The following RIMS2 variants were observed in gnomAD, a reference collection of about 807,000 sequenced individuals.
The protein encoded by RIMS2 is regulating synaptic membrane exocytosis protein 2.
In RIMS2, 59 loss-of-function variants were observed where a neutral mutation model predicts 174.4. The ratio of observed to expected loss-of-function variants is 0.34; its 90% CI spans 0.27 to 0.42. The LOEUF is 0.42. Ranked by LOEUF, RIMS2 falls within the 10% of genes least tolerant of loss-of-function variation. The pLI is 1.00. For synonymous variants in RIMS2, 606 were observed against 572.5 expected (o/e 1.06, Z -0.84); for missense variants, 1,620 against 1,666.3 (o/e 0.97, Z 0.48).
chr8:104,061,176 A>C (rs2154560376), intron 19 of RIMS2, among the ~76,000 whole-genome samples: 1 of 152,290 alleles, frequency 6.6e-6, no homozygotes, highest in South Asian at 2.1e-4. Flanking sequence ...AGGGTGTTTA[A>C]AGTCTGCCGT....
chr8:104,224,774 C>T (rs1025866166), intron 19 of RIMS2, among the ~76,000 whole-genome samples: 4 of 151,924 alleles, frequency 2.6e-5, no homozygotes, highest in South Asian at 2.1e-4. Context: ...TATTTTTTTT[C>T]TGCTTTTTTT....
intron 1 of RIMS2, among the ~76,000 whole-genome samples, chr8:103,550,992 G>T (rs1403555845): frequency 6.6e-6 from 1 of 152,138 alleles, no homozygotes. Context: ...GGACCAGATG[G>T]ATTCACAGCC....
chr8:103,519,412 T>G (rs1037793405), intron 1 of RIMS2, among the ~76,000 whole-genome samples: 35 of 152,108 alleles, frequency 2.3e-4, no homozygotes, highest in African/African-American at 8.2e-4. Context: ...ATGCCATAGC[T>G]CAAACTGTCT....
At chr8:103,815,416 G>A (rs2098712598) in intron 3 of RIMS2, among the ~76,000 whole-genome samples, 1 of 152,034 alleles carries the variant, frequency 6.6e-6, no homozygotes, top group African/African-American at 2.4e-5. Flanking sequence ...AATTGCCTTT[G>A]CTTCCAAAAG....
chr8:103,954,020 A>C (rs2086303031), intron 14 of RIMS2, among the ~76,000 whole-genome samples: 1 of 152,216 alleles, frequency 6.6e-6, no homozygotes, highest in Non-Finnish European at 1.5e-5. Context: ...CCATTACATA[A>C]TGGTAAAGGG....
At chr8:104,227,409 G>C (rs1384070905) in intron 19 of RIMS2, among the ~76,000 whole-genome samples, 1 of 151,874 alleles carries the variant, frequency 6.6e-6, no homozygotes, top group East Asian at 1.9e-4. Context: ...AACTACTTGG[G>C]CTCGACACTG....
At chr8:103,937,033 G>C (rs568257112) in intron 13 of RIMS2, among the ~76,000 whole-genome samples, 1 of 152,166 alleles carries the variant, frequency 6.6e-6, no homozygotes, top group Admixed American at 6.5e-5. Flanking sequence ...GGGAGGCAGA[G>C]GTTGCAGTGA....
intron 19 of RIMS2, among the ~76,000 whole-genome samples, chr8:104,128,428 G>A (rs1171252719): frequency 3.3e-5 from 5 of 152,216 alleles, no homozygotes; most frequent in Admixed American, 3.3e-4. Context: ...CAGTCCCAGT[G>A]GTTCACGCCT....
intron 16 of RIMS2, among the ~76,000 whole-genome samples, chr8:103,982,225 A>G (rs55918633): frequency 0.13 from 19,307 of 152,162 alleles, 1,702 homozygotes; most frequent in Non-Finnish European, 0.19. Flanking sequence ...ACAGATCAAT[A>G]ACAAATAACA....
intron 3 of RIMS2, among the ~76,000 whole-genome samples, chr8:103,788,711 C>G (rs1174158181): frequency 1.3e-5 from 2 of 152,000 alleles, no homozygotes; most frequent in African/African-American, 4.8e-5. Context: ...GCAGAGGTTA[C>G]TGCTGTCTTT....
chr8:104,066,089 A>G (rs1012835228), intron 19 of RIMS2, among the ~76,000 whole-genome samples: 2 of 152,162 alleles, frequency 1.3e-5, no homozygotes, highest in Non-Finnish European at 2.9e-5. Flanking sequence ...ACAAAGTTTT[A>G]TTGGAATAAA....
chr8:104,141,442 T>C (rs2098571536), intron 19 of RIMS2, among the ~76,000 whole-genome samples: 1 of 152,206 alleles, frequency 6.6e-6, no homozygotes, highest in Non-Finnish European at 1.5e-5. Flanking sequence ...TTATCACTTT[T>C]AAGGAAGATA....
chr8:103,540,823 C>T (rs1842206871), intron 1 of RIMS2, among the ~76,000 whole-genome samples: 1 of 151,426 alleles, frequency 6.6e-6, no homozygotes, highest in South Asian at 2.1e-4. Flanking sequence ...AATAAACAAG[C>T]AAACAAACAA....
chr8:104,125,176 C>G (rs6468902), intron 19 of RIMS2, among the ~76,000 whole-genome samples: 147,769 of 152,284 alleles, frequency 0.97, 71,716 homozygotes, highest in East Asian at 1. Context: ...TGTTCTCTCT[C>G]AGTTATTGTA....
At chr8:104,147,210 C>T (rs2098648059) in intron 19 of RIMS2, among the ~76,000 whole-genome samples, 1 of 152,004 alleles carries the variant, frequency 6.6e-6, no homozygotes, top group South Asian at 2.1e-4. Flanking sequence ...CTTCTTTTCT[C>T]TTCTCTCCCC....
Position 104,154,421 on chromosome 8 carries a change from C to T in RIMS2, c.3335-90495C>T, listed in dbSNP as rs183344739. On this transcript the variant is annotated intron_variant, in intron 19 of 23. Coordinates refer to ENST00000504942, the Ensembl canonical transcript of RIMS2. ...AACACTTGAAATGTGGCTAGGGTAA[C>T]TAAGTTAACTGGATTTTTAATTCCT... is the stretch of plus-strand genomic sequence containing the variant. Among the ~76,000 whole-genome samples the T allele has an allele frequency of 3.3e-3, 498 of 152,282 alleles. 4 individuals are homozygous for T. Among genetic ancestry groups the T allele is most frequent in the African/African-American group, 0.011 (457 of 41,554 alleles).
intron 19 of RIMS2, among the ~76,000 whole-genome samples, chr8:104,058,981 A>G (rs1308943343): frequency 6.6e-6 from 1 of 151,874 alleles, no homozygotes; most frequent in Non-Finnish European, 1.5e-5. Flanking sequence ...GCCTTGTAGT[A>G]TAGTTTGAAG....
At position 104,194,148 on chromosome 8, in the gene RIMS2, CTT is replaced by C. The variant is rs566753723; in HGVS notation, c.3335-50760_3335-50759del. Among the ~76,000 whole-genome samples the C allele has an allele frequency of 3.3e-5, 5 of 150,862 alleles. No homozygotes were observed. In the South Asian group the frequency reaches 1.0e-3, roughly 32 times the overall value. On this transcript the variant is annotated intron_variant, in intron 19 of 23. Transcript: ENST00000504942. ...CAGTATTAGGAGAATTTTTTTCTTT[CTT>C]TTTTTTTCAAATGAGCAAAATGCTC...
rs190742544 is a variant in RIMS2, at chr8:103,948,585, A to C, written c.2701+5659A>C. 1.3e-3 allele frequency among the ~76,000 whole-genome samples: 196 copies of C among 152,308 alleles called. 2 individuals are homozygous for C. The highest frequency in any genetic ancestry group is 4.3e-3 in the African/African-American group (177 of 41,576). The stretch of plus-strand genomic sequence containing the variant: ...TGAAAGATGATACATGCAAAAGGCC[A>C]TGTGTTCTATGATTCTACTTATATA... On this transcript the variant is annotated intron_variant, in intron 14 of 23. Transcript: ENST00000504942.
Sources: allele counts gnomAD v4.1 joint callset (sites outside exome capture counted in the v4.1 genomes callset), GRCh38; gene constraint gnomAD v4.1.1; transcripts MANE v1.5; gene names NCBI Gene and HGNC (gene_info 2026-07-23, HGNC 2026-07-21).